TDRD1: variants seen among roughly 807,000 people sequenced by gnomAD.
TDRD1 encodes tudor domain containing 1, also known as tudor domain-containing protein 1.
Under a neutral mutation model 140.6 loss-of-function variants are expected in TDRD1, and 37 were observed. The observed-to-expected ratio is 0.26, with a 90% CI of 0.20 to 0.35. The LOEUF is 0.35. TDRD1 is among the 10% of genes least tolerant of loss of function. The pLI, the probability that TDRD1 is intolerant of heterozygous loss-of-function variation, is 1.00. For missense variants in TDRD1, 1,243 were observed against 1,393.0 expected (o/e 0.89, Z 1.71); for synonymous variants, 506 against 475.7 (o/e 1.06, Z -0.83).
chr10:114,202,822 A>AT (rs965235113), intron 6 of TDRD1, among the ~76,000 whole-genome samples: 21 of 152,140 alleles, frequency 1.4e-4, no homozygotes, highest in Non-Finnish European at 2.6e-4. Context: ...CACCATTTTC[A>AT]TTTTTTTTGA....
intron 15 of TDRD1, 144 bp downstream of exon 15, chr10:114,213,732 A>G (rs1406666033): frequency 3.4e-6 from 3 of 877,486 alleles, no homozygotes; most frequent in African/African-American, 1.7e-5. Context: ...ACTTGTAAGA[A>G]TGTTTGAAAA....
intron 17 of TDRD1, 96 bp from the exon 18 acceptor site, chr10:114,218,318 C>A: frequency 1.2e-6 from 1 of 840,096 alleles, no homozygotes; most frequent in Non-Finnish European, 1.7e-6. Context: ...AATTTATTAC[C>A]TACTTTTAGA....
chr10:114,196,062 C>T (rs1217487013), intron 3 of TDRD1, among the ~76,000 whole-genome samples: 4 of 152,172 alleles, frequency 2.6e-5, no homozygotes, highest in Admixed American at 2.6e-4. Flanking sequence ...ATTTAGAACG[C>T]CTTCAGACAG....
intron 16 of TDRD1, 100 bp from the exon 17 acceptor site, chr10:114,217,445 G>C: frequency 1.6e-6 from 1 of 618,212 alleles, no homozygotes. Flanking sequence ...GGAGGTACCT[G>C]TCTTGATCAT....
At chr10:114,228,647 G>C (rs1564700551) in intron 25 of TDRD1, 15 of 985,320 alleles carry the variant, frequency 1.5e-5, no homozygotes, top group Non-Finnish European at 1.8e-5. Flanking sequence ...GCTTTTGGCT[G>C]TGGTGATTCT....
intron 18 of TDRD1, among the ~76,000 whole-genome samples, chr10:114,220,076 T>C (rs904090924): frequency 6.6e-6 from 1 of 152,214 alleles, no homozygotes; most frequent in Non-Finnish European, 1.5e-5. Context: ...ACAAGGCCTC[T>C]AGGTGATTGA....
chr10:114,213,685 T>C, intron 15 of TDRD1, 97 bp downstream of exon 15: 1 of 1,099,986 alleles, frequency 9.1e-7, no homozygotes, highest in Non-Finnish European at 1.3e-6. Context: ...TTATGTTGAA[T>C]GCCTTTCATC....
intron 25 of TDRD1, among the ~76,000 whole-genome samples, chr10:114,231,050 G>C (rs1227371625): frequency 6.6e-6 from 1 of 152,196 alleles, no homozygotes; most frequent in Non-Finnish European, 1.5e-5. Context: ...TTGGGCAACA[G>C]AGTGAGACCC....
chr10:114,188,949 AGTTGTG>A (rs2033760517), intron 2 of TDRD1, among the ~76,000 whole-genome samples: 1 of 150,930 alleles, frequency 6.6e-6, no homozygotes, highest in African/African-American at 2.4e-5. Flanking sequence ...AAGGTATATG[AGTTGTG>A]GTCTTCTAAC....
rs746542884 is a variant in TDRD1 at position 114,199,172 on chromosome 10, G to T, written c.385-1G>T. On this transcript the variant is annotated splice_acceptor_variant, in intron 3 of 25. Transcript: ENST00000251864. LOFTEE classifies it high-confidence loss of function. ...ACATTGCTCTTCTTTGTTCTTAATA[G>T]AAGCCTGGAAATAATGTACGTCCTG... 10 of 1,607,496 alleles carry T rather than the reference G, an allele frequency of 6.2e-6. No homozygotes were observed. In the Admixed American group the frequency reaches 1.7e-4, roughly 28 times the overall value.
chr10:114,223,924 G>A (rs1223691419), intron 21 of TDRD1, among the ~76,000 whole-genome samples: 1 of 152,144 alleles, frequency 6.6e-6, no homozygotes, highest in Non-Finnish European at 1.5e-5. Context: ...CTGTTATCCT[G>A]GGTTTTTCCT....
intron 3 of TDRD1, among the ~76,000 whole-genome samples, chr10:114,192,499 G>T (rs2034054944): frequency 6.6e-6 from 1 of 151,266 alleles, no homozygotes; most frequent in Non-Finnish European, 1.5e-5. Context: ...GTAGAGATGG[G>T]GTTTCACCGT....
At chr10:114,205,707 A>C (rs1341921810) in intron 10 of TDRD1, among the ~76,000 whole-genome samples, 2 of 152,278 alleles carry the variant, frequency 1.3e-5, no homozygotes, top group East Asian at 3.9e-4. Context: ...TGGTTACCAG[A>C]GGCCGGGAAG....
At chr10:114,175,391 A>G (rs772042527), upstream of TDRD1, among the ~76,000 whole-genome samples, 17 of 152,210 alleles carry the variant, frequency 1.1e-4, no homozygotes, top group Non-Finnish European at 2.1e-4. Flanking sequence ...GAAAAGAAAT[A>G]CAAATATAAA....
chr10:114,193,022 A>G (rs1249243731), intron 3 of TDRD1, among the ~76,000 whole-genome samples: 1 of 152,174 alleles, frequency 6.6e-6, no homozygotes, highest in African/African-American at 2.4e-5. Flanking sequence ...CTGTATATCA[A>G]TTTGGGAATT....
intron 18 of TDRD1, among the ~76,000 whole-genome samples, chr10:114,219,137 G>A (rs1014588259): frequency 3.3e-5 from 5 of 152,186 alleles, no homozygotes; most frequent in Non-Finnish European, 5.9e-5. Context: ...TGTTAAATAT[G>A]TGTTATTGAT....
intron 14 of TDRD1, 85 bp from the exon 15 acceptor site, chr10:114,213,261 T>A: frequency 7.5e-7 from 1 of 1,330,540 alleles, no homozygotes; most frequent in Non-Finnish European, 1.0e-6. Flanking sequence ...CATAGGTTTC[T>A]TAAGTTTACC....
chr10:114,209,471 A>G (rs1384553513), intron 11 of TDRD1, among the ~76,000 whole-genome samples: 1 of 152,140 alleles, frequency 6.6e-6, no homozygotes, highest in East Asian at 1.9e-4. Context: ...CCTTGCTATT[A>G]AGTTTTTCTC....
intron 21 of TDRD1, among the ~76,000 whole-genome samples, chr10:114,225,596 A>AG: frequency 6.6e-6 from 1 of 152,050 alleles, no homozygotes; most frequent in African/African-American, 2.4e-5. Context: ...ACAGTGGCTC[A>AG]CGCCTGTAAT....
Sources: gnomAD v4.1 joint callset for allele counts (sites outside exome capture counted in the v4.1 genomes callset) on GRCh38, gnomAD v4.1.1 for gene constraint, MANE v1.5 for transcripts, NCBI Gene and HGNC (gene_info 2026-07-23, HGNC 2026-07-21) for gene names.